AKNA: variants seen among roughly 807,000 people sequenced by gnomAD.
AKNA encodes AT-hook transcription factor.
Under a neutral mutation model 138.8 loss-of-function variants are expected in AKNA, and 67 were observed. That is an observed-to-expected ratio of 0.48 (90% CI 0.40 to 0.59). The LOEUF (loss-of-function observed/expected upper bound fraction) is 0.59. AKNA is among the 20% of genes least tolerant of loss of function. AKNA has a pLI of 0.00. For synonymous variants in AKNA, 737 were observed against 754.4 expected (o/e 0.98, Z 0.38); for missense variants, 1,813 against 1,880.4 (o/e 0.96, Z 0.66).
At chr9:114,346,857 T>C (rs1830724446) in intron 16 of AKNA, 73 bp from the exon 17 acceptor site, 2 of 1,270,866 alleles carry the variant, frequency 1.6e-6, no homozygotes, top group Non-Finnish European at 2.2e-6. Context: ...TTGTGAGAAG[T>C]TCAACCTGGA....
chr9:114,368,685 C>T (rs1459186485), intron 4 of AKNA, 90 bp from the exon 5 acceptor site: 3 of 1,117,404 alleles, frequency 2.7e-6, no homozygotes, highest in Non-Finnish European at 3.5e-6. Flanking sequence ...GCTCAACACA[C>T]ATGCCCTGTA....
At chr9:114,351,133 G>T in intron 14 of AKNA, 112 bp from the exon 15 acceptor site, 2 of 1,145,408 alleles carry the variant, frequency 1.7e-6, no homozygotes, top group Non-Finnish European at 2.5e-6. Context: ...CTAGTTCAAG[G>T]TCACAAAGGA....
intron 19 of AKNA, 78 bp downstream of exon 19, chr9:114,343,630 G>C: frequency 6.9e-7 from 1 of 1,457,282 alleles, no homozygotes; most frequent in Non-Finnish European, 9.6e-7. Flanking sequence ...GCCAGATCTT[G>C]TCAAGTACAC....
upstream of AKNA, among the ~76,000 whole-genome samples, chr9:114,390,283 C>T (rs1416182095): frequency 6.6e-6 from 1 of 152,096 alleles, no homozygotes; most frequent in Non-Finnish European, 1.5e-5. Flanking sequence ...TCACTGTCCC[C>T]ACCCACAGGC....
rs758382834 is a variant in AKNA at position 114,362,478 on chromosome 9, G to C, written c.1844C>G (p.Ala615Gly). The change falls in exon 8 of 22, where the codon GCT (alanine) becomes GGT (glycine). Residue 615 changes from alanine (A) to glycine (G), a missense_variant. Coordinates refer to ENST00000374088, the MANE Select transcript of AKNA (RefSeq NM_001317950.2). ...CTGGGCAGGGTGTTGCTCCCGACAA[G>C]CCTTCAGGTACTCCTCCTCTAGGGC... ...HAALEEEYLK[A>G]CREQHPAQPL... 1.9e-6 allele frequency: 3 copies of C among 1,613,408 alleles called. No homozygotes were observed. Among genetic ancestry groups the C allele is most frequent in the Admixed American group, 3.3e-5 (2 of 59,946 alleles).
intron 21 of AKNA, among the ~76,000 whole-genome samples, chr9:114,337,823 G>C (rs1830099757): frequency 6.6e-6 from 1 of 152,194 alleles, no homozygotes; most frequent in Non-Finnish European, 1.5e-5. Flanking sequence ...TTCTGCAGGA[G>C]TGGGAGGGTC....
chr9:114,351,697 A>C (rs1408416402), intron 14 of AKNA, among the ~76,000 whole-genome samples: 1 of 151,780 alleles, frequency 6.6e-6, no homozygotes, highest in Non-Finnish European at 1.5e-5. Flanking sequence ...TGGATGTGGA[A>C]GTATGCCCCT....
chr9:114,390,571 A>C (rs576723928), upstream of AKNA, among the ~76,000 whole-genome samples: 1 of 152,184 alleles, frequency 6.6e-6, no homozygotes, highest in Non-Finnish European at 1.5e-5. Flanking sequence ...AGGGTCCACT[A>C]ATCTGTTCCC....
chr9:114,351,073 A>G, intron 14 of AKNA, 52 bp from the exon 15 acceptor site: 1 of 1,565,764 alleles, frequency 6.4e-7, no homozygotes, highest in South Asian at 1.1e-5. Flanking sequence ...GAGAACTTCC[A>G]AGCTCACACT....
chr9:114,381,666 T>TTTG (rs1300832630), intron 1 of AKNA, among the ~76,000 whole-genome samples: 3 of 137,222 alleles, frequency 2.2e-5, no homozygotes, highest in Non-Finnish European at 4.8e-5. Flanking sequence ...TTTTTTTTTT[T>TTTG]TTTTTTTTTT....
chr9:114,343,999 A>G, intron 18 of AKNA, 196 bp from the exon 19 acceptor site: 2 of 556,048 alleles, frequency 3.6e-6, no homozygotes, highest in South Asian at 4.3e-5. Context: ...ACACACATAC[A>G]CACATATACG....
At chr9:114,363,991 A>G (rs1588987529) in intron 7 of AKNA, among the ~76,000 whole-genome samples, 2 of 152,084 alleles carry the variant, frequency 1.3e-5, no homozygotes, top group African/African-American at 4.8e-5. Flanking sequence ...ATATACACCA[A>G]TAGGACTCTA....
Position 114,337,013 on chromosome 9 carries a change from G to GCCCA in AKNA, c.*37_*40dup, listed in dbSNP as rs1381199419. 9 of 1,187,540 alleles carry GCCCA rather than the reference G, an allele frequency of 7.6e-6. No individual in the cohort carries two copies. In the East Asian group the frequency reaches 2.5e-4, roughly 33 times the overall value. 73.6% of individuals were successfully genotyped at this position (1,187,540 alleles called of 1,614,324 possible). A position where few individuals can be genotyped will look rare whatever the true frequency, so the allele number is the denominator to read the frequency against. ...CCACTCCTGGCCTGGCAGGCCACCT[G>GCCCA]CCCACCCACCCACCCATCTGCCTCT... is the stretch of plus-strand genomic sequence containing the variant. On this transcript the variant is annotated 3_prime_UTR_variant, in exon 22 of 22. Transcript: ENST00000374088.
chr9:114,390,383 T>C (rs1834287156), upstream of AKNA, among the ~76,000 whole-genome samples: 1 of 151,954 alleles, frequency 6.6e-6, no homozygotes, highest in African/African-American at 2.4e-5. Context: ...TTGGCCCATC[T>C]TTCACCCAGG....
chr9:114,351,573 G>A (rs1779706349), intron 14 of AKNA, among the ~76,000 whole-genome samples: 1 of 152,040 alleles, frequency 6.6e-6, no homozygotes, highest in African/African-American at 2.4e-5. Context: ...AGCACTCTGG[G>A]AGGCTGAGAC....
upstream of AKNA, among the ~76,000 whole-genome samples, chr9:114,395,624 G>A (rs1203596880): frequency 6.6e-6 from 1 of 151,292 alleles, no homozygotes; most frequent in African/African-American, 2.4e-5. Flanking sequence ...TGGGGCGCAG[G>A]CCTTCTGGCC....
chr9:114,377,867 TTC>T (rs1234674987), intron 2 of AKNA, among the ~76,000 whole-genome samples: 3 of 152,142 alleles, frequency 2.0e-5, no homozygotes, highest in Non-Finnish European at 2.9e-5. Context: ...CCTGAATCCA[TTC>T]TGTCACTTGG....
In AKNA at chr9:114,337,074, G is replaced by A. The variant is rs1210531337; in HGVS notation, c.4300C>T (p.Arg1434Trp). 7.1e-6 allele frequency: 9 copies of A among 1,268,402 alleles called. No homozygotes were observed. The highest frequency in any genetic ancestry group is 2.5e-5 in the Admixed American group (1 of 40,698). 78.6% of individuals were successfully genotyped at this position (1,268,402 alleles called of 1,614,324 possible). The change falls in exon 22 of 22, where the codon CGG becomes TGG. Residue 1434 changes from arginine to tryptophan, a missense_variant. Coordinates refer to ENST00000374088, the MANE Select transcript of AKNA (RefSeq NM_001317950.2). The stretch of plus-strand genomic sequence containing the variant: ...TGAAGTCAGAAGAGGCAGGAGCCCC[G>A]CAGGCTGTGAGCCTGGCGCAGGTCG... ...SADLRQAHSL[R>W]GSCLF
intron 19 of AKNA, among the ~76,000 whole-genome samples, chr9:114,342,776 C>T (rs1043928314): frequency 2.0e-5 from 3 of 151,862 alleles, no homozygotes; most frequent in African/African-American, 7.2e-5. Flanking sequence ...CAGCCCCACT[C>T]GTGCTCCCCT....
Sources: gnomAD v4.1 joint callset for allele counts (sites outside exome capture counted in the v4.1 genomes callset) on GRCh38, gnomAD v4.1.1 for gene constraint, MANE v1.5 for transcripts, NCBI Gene and HGNC (gene_info 2026-07-23, HGNC 2026-07-21) for gene names.